The following IL3RA variants were observed in gnomAD, a reference collection of about 807,000 sequenced individuals.
IL3RA encodes interleukin 3 receptor subunit alpha.
A neutral mutation model predicts 52.3 loss-of-function variants in IL3RA; 73 were observed. The ratio of observed to expected loss-of-function variants is 1.40; its 90% CI spans 1.16 to 1.70. The LOEUF (loss-of-function observed/expected upper bound fraction) is 1.70. Ranked by LOEUF, IL3RA falls within the 40% of genes most tolerant of loss-of-function variation. The pLI is 0.00. For missense variants in IL3RA, 664 were observed against 504.4 expected, an observed-to-expected ratio of 1.32 and a Z score of -3.03; for synonymous variants, 260 against 194.0, an observed-to-expected ratio of 1.34 and a Z score of -2.83.
rs773859022 is a variant in IL3RA, at chrX:1,348,607, C to G, written c.298+62C>G. On this transcript the variant is annotated intron_variant, in intron 4 of 11. Coordinates refer to ENST00000331035, the MANE Select transcript of IL3RA (RefSeq NM_002183.4). ...CCCTCCCTCCTTCCCTCTCTCCCTC[C>G]CTCTCGCCTTCGCTGTGTCTTTTTT... 9.4e-6 allele frequency: 11 copies of G among 1,166,074 alleles called. No homozygotes were observed. The South Asian group carries it at 1.2e-4, about 13-fold the overall frequency. 72.2% of individuals were successfully genotyped at this position (1,166,074 alleles called of 1,614,324 possible). A position where few individuals can be genotyped will look rare whatever the true frequency, so the allele number is the denominator to read the frequency against.
intron 8 of IL3RA, among the ~76,000 whole-genome samples, chrX:1,362,651 G>C (rs1417174057): frequency 2.0e-5 from 3 of 151,996 alleles, no homozygotes; most frequent in Non-Finnish European, 4.4e-5. Flanking sequence ...GGACTAATGA[G>C]GATCCTTCCC....
At chrX:1,348,369 A>T (rs767095360) in intron 3 of IL3RA, 62 bp from the exon 4 acceptor site, 7 of 1,315,126 alleles carry the variant, frequency 5.3e-6, no homozygotes, top group South Asian at 2.4e-5. Context: ...AAATCTGAAC[A>T]TCATTAGCGT....
At position 1,352,237 on chromosome X, in the gene IL3RA, G is replaced by C; in HGVS notation, c.431+5G>C. 6.2e-7 allele frequency: 1 copy of C among 1,613,498 alleles called. No homozygotes were observed. The highest frequency in any genetic ancestry group is 2.2e-5 in the East Asian group (1 of 44,892). On this transcript the variant is annotated splice_donor_5th_base_variant and intron_variant, in intron 5 of 11. Coordinates refer to ENST00000331035, the MANE Select transcript of IL3RA (RefSeq NM_002183.4). ...CCTGTACTTGAACGTTGCCAAGTAG[G>C]TGTGCCCGTGGGCAGAGGCCGGGCT...
rs776053231 is a variant in IL3RA at position 1,336,794 on chromosome X, C to T, written c.-171C>T. 1 of 152,178 alleles carries T rather than the reference C, an allele frequency of 6.6e-6. No individual in the cohort carries two copies. Among genetic ancestry groups the T allele is most frequent in the Non-Finnish European group, 1.5e-5 (1 of 68,058 alleles). 9.4% of individuals were successfully genotyped at this position (152,178 alleles called of 1,614,324 possible). On this transcript the variant is annotated 5_prime_UTR_variant, in exon 1 of 12. Coordinates refer to ENST00000331035, the MANE Select transcript of IL3RA (RefSeq NM_002183.4). Reference sequence around the variant, plus strand: ...AATCGGGGAGTACAACCTTCGGTTTCTCTTCGGGGAAAGCTGCTTTCAGCG... The same window carrying T: ...AATCGGGGAGTACAACCTTCGGTTTTTCTTCGGGGAAAGCTGCTTTCAGCG...
intron 2 of IL3RA, among the ~76,000 whole-genome samples, chrX:1,342,153 A>G (rs2085518651): frequency 6.6e-6 from 1 of 151,504 alleles, no homozygotes. Context: ...TGTTTATCTT[A>G]CTTTTTCATT....
chrX:1,350,495 A>G (rs184146652), intron 4 of IL3RA, among the ~76,000 whole-genome samples: 1,736 of 150,818 alleles, frequency 0.012, 35 homozygotes, highest in African/African-American at 0.04. Context: ...AGGCTGAGGC[A>G]GGAGAATCAC....
rs1343379272 is a variant in IL3RA at position 1,378,747 on chromosome X, C to G, written c.963C>G (p.Val321=). Residue 321 remains valine (V), a synonymous_variant, in exon 10 of 12, where the codon GTC becomes GTG. Coordinates refer to ENST00000331035, the MANE Select transcript of IL3RA (RefSeq NM_002183.4). ...ALGTLLALVC[V]FVICRRYLVM... is the part of the protein sequence containing the mutation. ...GGACGCTGCTGGCCCTGGTCTGTGT[C>G]TTCGTGATCTGCAGAAGGTGAGCCC... The G allele has an allele frequency of 2.5e-6, 4 of 1,612,334 alleles. No individual in the cohort carries two copies. In the African/African-American group the frequency reaches 4.0e-5, roughly 16 times the overall value.
rs147151208 is a variant in IL3RA at position 1,382,618 on chromosome X, A to T, written c.*153A>T. The T allele has an allele frequency of 0.016, 11,472 of 699,298 alleles. 142 individuals are homozygous for T. Among genetic ancestry groups the T allele is most frequent in the Non-Finnish European group, 0.023 (8,774 of 388,152 alleles). The allele number at this position is 699,298 out of a possible 1,614,324, so 43.3% of individuals were successfully genotyped here. ...GGAGATGCCTGTGTAATTTCGTCCG[A>T]AGCTGCCAGGAAGAAGAACAGAACT... On this transcript the variant is annotated 3_prime_UTR_variant, in exon 12 of 12. Coordinates refer to ENST00000331035, the MANE Select transcript of IL3RA (RefSeq NM_002183.4).
chrX:1,344,562 C>T (rs763818289), intron 2 of IL3RA, among the ~76,000 whole-genome samples: 1 of 148,978 alleles, frequency 6.7e-6, no homozygotes, highest in South Asian at 2.2e-4. Flanking sequence ...ATCACGAGGT[C>T]AGGAGATCGA....
At chrX:1,352,067 G>C (rs1270282996) in intron 4 of IL3RA, 33 bp from the exon 5 acceptor site, 1 of 1,610,424 alleles carries the variant, frequency 6.2e-7, no homozygotes, top group African/African-American at 1.3e-5. Flanking sequence ...GCCCGGTCCC[G>C]ATTCGAGTTC....
rs1168906362 is a variant in IL3RA at position 1,348,693 on chromosome X, T to TC, written c.298+148_298+149insC. 2.5e-4 allele frequency: 106 copies of TC among 431,708 alleles called. 3 individuals carry two copies. Among genetic ancestry groups the TC allele is most frequent in the African/African-American group, 2.2e-3 (40 of 17,834 alleles). 26.7% of individuals were successfully genotyped at this position (431,708 alleles called of 1,614,324 possible). A position where few individuals can be genotyped will look rare whatever the true frequency, so the allele number is the denominator to read the frequency against. ...TTCTTTCTTTCTTTCTTTCTTTCTTTTTCTTTCTTTCTGTTTCTGTTTCTT... is the reference window on the plus strand; with the variant it reads ...TTCTTTCTTTCTTTCTTTCTTTCTTTCTTCTTTCTTTCTGTTTCTGTTTCTT... On this transcript the variant is annotated intron_variant, in intron 4 of 11. Coordinates refer to ENST00000331035, the MANE Select transcript of IL3RA (RefSeq NM_002183.4).
chrX:1,358,719 T>TTGCCCCCACTGC, intron 7 of IL3RA, 142 bp from the exon 8 acceptor site: 1 of 663,320 alleles, frequency 1.5e-6, no homozygotes, highest in Non-Finnish European at 2.7e-6. Context: ...GCTCATTATT[T>TTGCCCCCACTGC]TGCCCCCACT....
At chrX:1,358,781 G>A (rs1257926490) in intron 7 of IL3RA, 80 bp from the exon 8 acceptor site, 1 of 1,526,072 alleles carries the variant, frequency 6.6e-7, no homozygotes, top group East Asian at 2.3e-5. Flanking sequence ...TTTTCCTGGA[G>A]GGAGAAATTT....
intron 8 of IL3RA, among the ~76,000 whole-genome samples, chrX:1,360,220 T>C (rs1278014865): frequency 7.9e-6 from 1 of 126,048 alleles, no homozygotes; most frequent in African/African-American, 3.2e-5. Context: ...CCCCATCTCT[T>C]TCTCTGTGTC....
At chrX:1,368,002 C>G (rs1357950170) in intron 9 of IL3RA, among the ~76,000 whole-genome samples, 1 of 152,020 alleles carries the variant, frequency 6.6e-6, no homozygotes, top group Admixed American at 6.5e-5. Context: ...TGACAGACAC[C>G]CCCTGGGCCT....
chrX:1,347,629 A>G (rs1351412158), intron 3 of IL3RA, among the ~76,000 whole-genome samples: 1 of 151,366 alleles, frequency 6.6e-6, no homozygotes, highest in Non-Finnish European at 1.5e-5. Flanking sequence ...TAACAAAAAA[A>G]CAAAGAAACA....
chrX:1,348,732 T>TC (rs2085932716), intron 4 of IL3RA, among the ~76,000 whole-genome samples, 187 bp downstream of exon 4: 2 of 138,058 alleles, frequency 1.4e-5, no homozygotes, highest in Admixed American at 7.6e-5. Flanking sequence ...TCCTTTCTTT[T>TC]TCTTTCTTTC....
In IL3RA at chrX:1,361,195, C is replaced by G. The variant is rs1281046042; in HGVS notation, c.759+2308C>G. ...TCTCTCCCTTCCCCTCTCTCTCTCT[C>G]CATTCCCCTGTCTCTATGTCTCTCC... On this transcript the variant is annotated intron_variant, in intron 8 of 11. Coordinates refer to ENST00000331035, the MANE Select transcript of IL3RA (RefSeq NM_002183.4). Among the ~76,000 whole-genome samples the G allele has an allele frequency of 5.5e-5, 4 of 72,692 alleles. 1 individual carries two copies. Among genetic ancestry groups the G allele is most frequent in the Non-Finnish European group, 8.4e-5 (3 of 35,884 alleles). 47.7% of individuals were successfully genotyped at this position (72,692 alleles called of 152,430 possible). A position where few individuals can be genotyped will look rare whatever the true frequency, so the allele number is the denominator to read the frequency against.
At chrX:1,351,023 A>G (rs2086061110) in intron 4 of IL3RA, among the ~76,000 whole-genome samples, 1 of 152,022 alleles carries the variant, frequency 6.6e-6, no homozygotes, top group Non-Finnish European at 1.5e-5. Flanking sequence ...TCTGGGCAAC[A>G]TGGTGAAACC....
Sources: gnomAD v4.1 joint callset for allele counts (sites outside exome capture counted in the v4.1 genomes callset) on GRCh38, gnomAD v4.1.1 for gene constraint, MANE v1.5 for transcripts, NCBI Gene and HGNC (gene_info 2026-07-23, HGNC 2026-07-21) for gene names.